The following ADGRL3 variants were observed in gnomAD, a reference collection of about 807,000 sequenced individuals.
ADGRL3 encodes the protein adhesion G protein-coupled receptor L3, also known as calcium-independent alpha-latrotoxin receptor 3.
Under a neutral mutation model 153.5 loss-of-function variants are expected in ADGRL3, and 62 were observed. That is an observed-to-expected ratio of 0.40 (90% CI 0.33 to 0.50). The LOEUF (loss-of-function observed/expected upper bound fraction) is 0.50. Ranked by LOEUF, ADGRL3 falls within the 20% of genes least tolerant of loss-of-function variation. ADGRL3 has a pLI of 0.47. For missense variants in ADGRL3, 1,641 were observed against 1,859.4 expected, an observed-to-expected ratio of 0.88 and a Z score of 2.16; for synonymous variants, 710 against 672.5, an observed-to-expected ratio of 1.06 and a Z score of -0.86.
intron 1 of ADGRL3, among the ~76,000 whole-genome samples, chr4:61,367,017 A>G (rs1417863703): frequency 2.0e-5 from 3 of 152,202 alleles, no homozygotes; most frequent in Non-Finnish European, 2.9e-5. Context: ...ATTGTAAACA[A>G]TGTTCTTTTG....
chr4:61,898,986 T>A (rs934005947), intron 11 of ADGRL3, among the ~76,000 whole-genome samples: 5 of 147,598 alleles, frequency 3.4e-5, no homozygotes, highest in African/African-American at 1.3e-4. Flanking sequence ...ACTGTACACA[T>A]GGCTGGGAAA....
At chr4:61,635,973 T>C (rs536186934) in intron 5 of ADGRL3, among the ~76,000 whole-genome samples, 1 of 152,270 alleles carries the variant, frequency 6.6e-6, no homozygotes, top group East Asian at 1.9e-4. Flanking sequence ...CTTAATGGCC[T>C]CATTTAACTT....
At chr4:61,904,860 A>G (rs2098688018) in intron 11 of ADGRL3, among the ~76,000 whole-genome samples, 1 of 152,206 alleles carries the variant, frequency 6.6e-6, no homozygotes, top group Admixed American at 6.5e-5. Flanking sequence ...AATTTAGTAG[A>G]TCTCAAACTT....
intron 9 of ADGRL3, among the ~76,000 whole-genome samples, chr4:61,874,408 G>A (rs1357995028): frequency 6.6e-6 from 1 of 152,050 alleles, no homozygotes; most frequent in Non-Finnish European, 1.5e-5. Context: ...TTGCTATAAT[G>A]TAATCACGTG....
chr4:61,714,745 G>C (rs1256898296), intron 6 of ADGRL3, among the ~76,000 whole-genome samples: 1 of 152,076 alleles, frequency 6.6e-6, no homozygotes, highest in Non-Finnish European at 1.5e-5. Flanking sequence ...ACAGAATTTG[G>C]TTCTTCTTGC....
At chr4:61,908,677 T>C (rs2098707974) in intron 11 of ADGRL3, among the ~76,000 whole-genome samples, 1 of 152,180 alleles carries the variant, frequency 6.6e-6, no homozygotes, top group African/African-American at 2.4e-5. Flanking sequence ...TCATTATTTT[T>C]ACTTTGTACA....
At chr4:61,938,199 G>C (rs1444629348) in intron 15 of ADGRL3, among the ~76,000 whole-genome samples, 2 of 152,170 alleles carry the variant, frequency 1.3e-5, no homozygotes, top group Non-Finnish European at 2.9e-5. Flanking sequence ...AAATTGGCAT[G>C]AATTATCAGC....
chr4:61,689,490 C>T (rs1267756894), intron 6 of ADGRL3, among the ~76,000 whole-genome samples: 5 of 152,108 alleles, frequency 3.3e-5, no homozygotes, highest in Non-Finnish European at 5.9e-5. Context: ...AATGATTATA[C>T]AATTAGAACT....
chr4:61,507,810 C>T (rs1311286788), intron 3 of ADGRL3, among the ~76,000 whole-genome samples: 1 of 152,130 alleles, frequency 6.6e-6, no homozygotes, highest in African/African-American at 2.4e-5. Context: ...ACAAAACAGA[C>T]CTCTGTCAAT....
At chr4:61,409,791 A>G (rs1416027304) in intron 2 of ADGRL3, among the ~76,000 whole-genome samples, 1 of 152,064 alleles carries the variant, frequency 6.6e-6, no homozygotes, top group Admixed American at 6.6e-5. Flanking sequence ...TTAATCCAAA[A>G]GAAGAATGGG....
intron 8 of ADGRL3, among the ~76,000 whole-genome samples, chr4:61,755,369 G>A (rs978199169): frequency 2.7e-4 from 41 of 152,188 alleles, no homozygotes; most frequent in African/African-American, 9.9e-4. Flanking sequence ...CTGATGGCCA[G>A]TGATGATGAG....
intron 1 of ADGRL3, among the ~76,000 whole-genome samples, chr4:61,379,115 G>A (rs2096638299): frequency 6.6e-6 from 1 of 152,000 alleles, no homozygotes; most frequent in Admixed American, 6.6e-5. Flanking sequence ...GGTGGCACAA[G>A]ATGATGCTTA....
intron 9 of ADGRL3, among the ~76,000 whole-genome samples, chr4:61,841,765 G>T (rs911891349): frequency 6.6e-6 from 1 of 152,012 alleles, no homozygotes; most frequent in South Asian, 2.1e-4. Context: ...ATACTAAATC[G>T]TCTGTACTTG....
In ADGRL3 at chr4:62,023,893, C is replaced by A. The variant is rs528628680; in HGVS notation, c.3396-4962C>A. Among the ~76,000 whole-genome samples, 8 of 143,340 alleles carry A rather than the reference C, an allele frequency of 5.6e-5. No homozygotes were observed. In the East Asian group the frequency reaches 1.9e-3, roughly 33 times the overall value. The allele number at this position is 143,340 out of a possible 152,430, so 94.0% of individuals were successfully genotyped here. A position where few individuals can be genotyped will look rare whatever the true frequency, so the allele number is the denominator to read the frequency against. ...CTGCAGTATCTCTCAGGTATGCCTGCATCTTATTTGCATGCAACCTACCAA... is the reference window on the plus strand; with the variant it reads ...CTGCAGTATCTCTCAGGTATGCCTGAATCTTATTTGCATGCAACCTACCAA... On this transcript the variant is annotated intron_variant, in intron 21 of 26. Coordinates refer to ENST00000683033, the MANE Select transcript of ADGRL3 (RefSeq NM_001387552.1).
chr4:62,014,436 G>T (rs1283491709), intron 21 of ADGRL3, among the ~76,000 whole-genome samples: 1 of 152,000 alleles, frequency 6.6e-6, no homozygotes, highest in Non-Finnish European at 1.5e-5. Flanking sequence ...AAAATTAGTT[G>T]GTCTAGGAAG....
At chr4:61,824,724 A>G (rs1452548665) in intron 9 of ADGRL3, among the ~76,000 whole-genome samples, 1 of 152,206 alleles carries the variant, frequency 6.6e-6, no homozygotes, top group African/African-American at 2.4e-5. Flanking sequence ...CATACTCAAC[A>G]TAACACATGC....
intron 8 of ADGRL3, among the ~76,000 whole-genome samples, chr4:61,750,334 G>T (rs1369760450): frequency 6.6e-6 from 1 of 152,066 alleles, no homozygotes; most frequent in Admixed American, 6.6e-5. Context: ...TGAGCATCAG[G>T]GAGTTTTAAT....
intron 1 of ADGRL3, among the ~76,000 whole-genome samples, chr4:61,340,847 A>ATAT (rs1560494594): frequency 1.3e-5 from 2 of 150,304 alleles, no homozygotes; most frequent in Non-Finnish European, 1.5e-5. Context: ...TATATATATA[A>ATAT]AATATTATAC....
chr4:62,037,817 T>C lies in ADGRL3; in HGVS notation c.3678T>C (p.Ser1226=), dbSNP rs1725927270. The C allele has an allele frequency of 6.2e-7, 1 of 1,613,752 alleles. No homozygotes were observed. Among genetic ancestry groups the C allele is most frequent in the Non-Finnish European group, 8.5e-7 (1 of 1,179,754 alleles). ...GTTCCATTGGTTCAGGGAAAACATC[T>C]GGTTCTCGAACTCCTGGACGCTACT... ...TESSIGSGKT[S]GSRTPGRYST... Residue 1226 remains serine (S), a synonymous_variant, in exon 24 of 27, where the codon TCT becomes TCC. Transcript: ENST00000683033.
Sources: allele counts gnomAD v4.1 joint callset (sites outside exome capture counted in the v4.1 genomes callset), GRCh38; gene constraint gnomAD v4.1.1; transcripts MANE v1.5; gene names NCBI Gene and HGNC (gene_info 2026-07-23, HGNC 2026-07-21).